The following ESRRG variants were observed in gnomAD, a reference collection of about 807,000 sequenced individuals.
ESRRG encodes the protein estrogen-related receptor gamma.
ESRRG carries 13 observed loss-of-function variants against 44.0 expected under a neutral mutation model. The observed-to-expected ratio is 0.30, with a 90% CI of 0.19 to 0.47. The LOEUF (loss-of-function observed/expected upper bound fraction) is 0.47, where lower values mean the gene tolerates loss of function less well. Ranked by LOEUF, ESRRG falls within the 20% of genes least tolerant of loss-of-function variation. The pLI, the probability that ESRRG is intolerant of heterozygous loss-of-function variation, is 1.00. For missense variants in ESRRG, 395 were observed against 580.6 expected (o/e 0.68, Z 3.29); for synonymous variants, 215 against 214.6 (o/e 1.00, Z -0.02).
chr1:216,732,597 G>A (rs1322839021), intron 2 of ESRRG, among the ~76,000 whole-genome samples: 1 of 151,806 alleles, frequency 6.6e-6, no homozygotes, highest in Admixed American at 6.6e-5. Flanking sequence ...GGCTGGTCTC[G>A]AATGCCTGAC....
intron 1 of ESRRG, among the ~76,000 whole-genome samples, chr1:217,011,528 C>T (rs566778173): frequency 5.3e-5 from 8 of 152,302 alleles, no homozygotes; most frequent in South Asian, 4.1e-4. Flanking sequence ...AATTAGTTGG[C>T]TGCCTACATG....
chr1:216,551,968 T>C (rs983904861), intron 5 of ESRRG, among the ~76,000 whole-genome samples: 1 of 152,100 alleles, frequency 6.6e-6, no homozygotes, highest in Non-Finnish European at 1.5e-5. Flanking sequence ...CTCTCTACTA[T>C]ATCTCTCTGC....
chr1:216,848,802 A>G (rs868581291), intron 2 of ESRRG, among the ~76,000 whole-genome samples: 22 of 152,158 alleles, frequency 1.4e-4, no homozygotes, highest in African/African-American at 5.1e-4. Context: ...AGAACAGTAC[A>G]TGCACTTTTT....
intron 3 of ESRRG, among the ~76,000 whole-genome samples, chr1:216,635,955 A>T (rs2065213345): frequency 6.6e-6 from 1 of 152,230 alleles, no homozygotes. Context: ...AATAGTGATG[A>T]CAATAATAAT....
intron 3 of ESRRG, among the ~76,000 whole-genome samples, chr1:216,578,741 GA>G (rs1437379428): frequency 6.6e-6 from 1 of 152,010 alleles, no homozygotes; most frequent in African/African-American, 2.4e-5. Context: ...GATTACGAGA[GA>G]AAAATATAAG....
chr1:216,899,399 C>T (rs2058802130), intron 2 of ESRRG, among the ~76,000 whole-genome samples: 1 of 152,164 alleles, frequency 6.6e-6, no homozygotes, highest in Non-Finnish European at 1.5e-5. Flanking sequence ...TACTCTTCAT[C>T]CACTAATTTT....
intron 2 of ESRRG, among the ~76,000 whole-genome samples, chr1:216,792,410 G>A (rs1240348363): frequency 1.3e-5 from 2 of 151,834 alleles, no homozygotes; most frequent in Non-Finnish European, 2.9e-5. Context: ...TTTTTGCCAG[G>A]TTAAAGCAGG....
chr1:217,073,485 C>G (rs1373144556), intron 1 of ESRRG, among the ~76,000 whole-genome samples: 1 of 152,134 alleles, frequency 6.6e-6, no homozygotes, highest in African/African-American at 2.4e-5. Flanking sequence ...AGTTACTGAG[C>G]AAGGCTTCCC....
chr1:216,908,181 C>T (rs1213865590), intron 2 of ESRRG, among the ~76,000 whole-genome samples: 1 of 152,160 alleles, frequency 6.6e-6, no homozygotes, highest in African/African-American at 2.4e-5. Context: ...TCGGAAGTCA[C>T]AGTGGACTTG....
chr1:216,999,047 G>A (rs2076703188), intron 1 of ESRRG, among the ~76,000 whole-genome samples: 1 of 152,088 alleles, frequency 6.6e-6, no homozygotes, highest in African/African-American at 2.4e-5. Context: ...GACTCTCCTG[G>A]GCCTGAGTAC....
intron 2 of ESRRG, among the ~76,000 whole-genome samples, chr1:216,851,057 C>T (rs984077461): frequency 2.7e-5 from 4 of 149,362 alleles, no homozygotes; most frequent in African/African-American, 9.9e-5. Context: ...ATAACACTTC[C>T]TCCACCAACA....
At chr1:216,718,191 C>T (rs913348230) in intron 1 of ESRRG, among the ~76,000 whole-genome samples, 1 of 151,754 alleles carries the variant, frequency 6.6e-6, no homozygotes, top group Admixed American at 6.6e-5. Context: ...AAAATCATGC[C>T]TGGCAAATTT....
chr1:216,862,439 G>C (rs1049589714), intron 2 of ESRRG: 4 of 151,948 alleles, frequency 2.6e-5, no homozygotes, highest in African/African-American at 9.7e-5. Flanking sequence ...TGGCCAGGCT[G>C]GTCTCGAGCT....
chr1:217,024,405 G>A (rs529853981), intron 1 of ESRRG, among the ~76,000 whole-genome samples: 11 of 151,412 alleles, frequency 7.3e-5, no homozygotes. Flanking sequence ...GCTAGGACAG[G>A]TAGGTAGTTT....
At chr1:217,025,297 C>T (rs2081011425) in intron 1 of ESRRG, among the ~76,000 whole-genome samples, 1 of 151,828 alleles carries the variant, frequency 6.6e-6, no homozygotes, top group Admixed American at 6.6e-5. Context: ...AAAATAAACG[C>T]TTAGTAGGGT....
At chr1:216,751,701 C>G (rs1576145002) in intron 2 of ESRRG, among the ~76,000 whole-genome samples, 1 of 151,482 alleles carries the variant, frequency 6.6e-6, no homozygotes, top group Middle Eastern at 3.5e-3. Flanking sequence ...AGGGAAAAGG[C>G]CTCCCTAGAT....
At chr1:216,764,967 G>A (rs76050615) in intron 2 of ESRRG, among the ~76,000 whole-genome samples, 9 of 152,106 alleles carry the variant, frequency 5.9e-5, no homozygotes, top group Non-Finnish European at 7.4e-5. Context: ...TCAGGGAAGC[G>A]GTGACACTCG....
At chr1:216,810,011 A>G (rs889297148) in intron 2 of ESRRG, among the ~76,000 whole-genome samples, 2 of 152,170 alleles carry the variant, frequency 1.3e-5, no homozygotes, top group Non-Finnish European at 2.9e-5. Flanking sequence ...AGAGAGACAG[A>G]AAGGGGGAGG....
At chr1:216,892,239 T>A (rs2057897646) in intron 2 of ESRRG, among the ~76,000 whole-genome samples, 1 of 152,186 alleles carries the variant, frequency 6.6e-6, no homozygotes, top group Non-Finnish European at 1.5e-5. Context: ...TAGAACATAA[T>A]GTTAAACTCT....
Sources: allele counts gnomAD v4.1 joint callset (sites outside exome capture counted in the v4.1 genomes callset), GRCh38; gene constraint gnomAD v4.1.1; transcripts MANE v1.5; gene names NCBI Gene and HGNC (gene_info 2026-07-23, HGNC 2026-07-21).